Variants in TEK observed in about 807,000 individuals in gnomAD.
TEK encodes angiopoietin-1 receptor.
In TEK, 43 loss-of-function variants were observed where a neutral mutation model predicts 131.8. That is an observed-to-expected ratio of 0.33 (90% CI 0.26 to 0.42). The LOEUF (loss-of-function observed/expected upper bound fraction) is 0.42, where lower values mean the gene tolerates loss of function less well. TEK is among the 10% of genes least tolerant of loss of function. The probability of loss-of-function intolerance (pLI) is 1.00; values close to 1 mark genes in which losing one functional copy is unlikely to be tolerated. For missense variants in TEK, 1,162 were observed against 1,384.4 expected (o/e 0.84, Z 2.55); for synonymous variants, 580 against 491.6 (o/e 1.18, Z -2.38).
intron 20 of TEK, 39 bp downstream of exon 20, chr9:27,218,856 C>CA (rs763788176): frequency 8.8e-6 from 14 of 1,599,696 alleles, no homozygotes; most frequent in Non-Finnish European, 1.2e-5. Context: ...AGACTCTAGG[C>CA]AAAGTGAGTG....
chr9:27,204,985 G>A lies in TEK; in HGVS notation c.2284G>A (p.Val762Met), dbSNP rs1825352435. 6.2e-7 allele frequency: 1 copy of A among 1,613,934 alleles called. No homozygotes were observed. The highest frequency in any genetic ancestry group is 1.3e-5 in the African/African-American group (1 of 74,916). Residue 762 changes from valine (V) to methionine (M), a missense_variant, in exon 14 of 23, where the codon GTG becomes ATG. Physicochemically the swap from Val to Met is conservative, Grantham distance 21 (BLOSUM62 1). Coordinates refer to ENST00000380036, the MANE Select transcript of TEK (RefSeq NM_000459.5). ...LGSAGMTCLT[V>M]LLAFLIILQL... Reference sequence around the variant, plus strand: ...CTCTGCTGGAATGACCTGCCTGACTGTGCTGTTGGCCTTTCTGATCATATT... The same window carrying A: ...CTCTGCTGGAATGACCTGCCTGACTATGCTGTTGGCCTTTCTGATCATATT...
intron 1 of TEK, among the ~76,000 whole-genome samples, chr9:27,119,472 G>A (rs1334546745): frequency 6.6e-6 from 1 of 152,146 alleles, no homozygotes; most frequent in Non-Finnish European, 1.5e-5. Flanking sequence ...TTATCCACGA[G>A]GGCAGGCAAC....
intron 1 of TEK, among the ~76,000 whole-genome samples, chr9:27,141,042 C>G (rs1487845052): frequency 6.6e-6 from 1 of 151,668 alleles, no homozygotes; most frequent in Non-Finnish European, 1.5e-5. Flanking sequence ...GATTTTTGTT[C>G]TAAGTGAATG....
In TEK at chr9:27,220,159, C is replaced by T; in HGVS notation, c.3200+14C>T. 2 of 1,612,884 alleles carry T rather than the reference C, an allele frequency of 1.2e-6. No homozygotes were observed. Among genetic ancestry groups the T allele is most frequent in the Non-Finnish European group, 1.7e-6 (2 of 1,179,536 alleles). On this transcript the variant is annotated intron_variant, in intron 21 of 22. Coordinates refer to ENST00000380036, the MANE Select transcript of TEK (RefSeq NM_000459.5). ...TGATGATGAGGTGTAAGTCAGGCCT[C>T]ATCCTGGGGCTATTTTGTCTTACCT...
chr9:27,148,003 T>C (rs1822988534), intron 1 of TEK, among the ~76,000 whole-genome samples: 1 of 152,222 alleles, frequency 6.6e-6, no homozygotes, highest in Non-Finnish European at 1.5e-5. Context: ...TCCTTTTCTG[T>C]TAAATGGAAA....
At chr9:27,209,664 A>G (rs1364470221) in intron 16 of TEK, among the ~76,000 whole-genome samples, 1 of 152,222 alleles carries the variant, frequency 6.6e-6, no homozygotes, top group African/African-American at 2.4e-5. Context: ...GTAATATGAA[A>G]ACTAAGGATG....
chr9:27,131,398 G>A (rs917955489), intron 1 of TEK, among the ~76,000 whole-genome samples: 11 of 150,448 alleles, frequency 7.3e-5, no homozygotes, highest in Admixed American at 6.0e-4. Context: ...TGGATCAGCT[G>A]AGCCCAGGAA....
intron 1 of TEK, among the ~76,000 whole-genome samples, chr9:27,128,651 A>C (rs1372143064): frequency 3.3e-5 from 5 of 152,026 alleles, no homozygotes; most frequent in Non-Finnish European, 7.4e-5. Flanking sequence ...TTTTTATTTC[A>C]TTGAGCAGTG....
chr9:27,184,401 A>G (rs1824517976), intron 8 of TEK, among the ~76,000 whole-genome samples: 1 of 152,138 alleles, frequency 6.6e-6, no homozygotes, highest in African/African-American at 2.4e-5. Context: ...AAATTTAGAA[A>G]TACTTATTAT....
At chr9:27,187,453 G>T (rs551172651) in intron 9 of TEK, among the ~76,000 whole-genome samples, 16 of 152,256 alleles carry the variant, frequency 1.1e-4, no homozygotes, top group Admixed American at 1.0e-3. Flanking sequence ...CTAGGTATAT[G>T]CTCAAAAGAA....
At chr9:27,170,055 A>C (rs1203493278) in intron 4 of TEK, among the ~76,000 whole-genome samples, 1 of 152,182 alleles carries the variant, frequency 6.6e-6, no homozygotes, top group Non-Finnish European at 1.5e-5. Context: ...ATGGCAAAAG[A>C]GGAAGCAAAC....
In TEK at chr9:27,217,768, C is replaced by A; in HGVS notation, c.3062+10C>A. 1 of 1,577,722 alleles carries A rather than the reference C, an allele frequency of 6.3e-7. No homozygotes were observed. Among genetic ancestry groups the A allele is most frequent in the Non-Finnish European group, 8.6e-7 (1 of 1,168,580 alleles). Reference sequence around the variant, plus strand: ...CAACCAACAGTGATGTGTGAGTAAACTTCTTATTGCCAAGGGATTTTTTTT... The same window carrying A: ...CAACCAACAGTGATGTGTGAGTAAAATTCTTATTGCCAAGGGATTTTTTTT... On this transcript the variant is annotated intron_variant, in intron 19 of 22. Transcript: ENST00000380036.
chr9:27,199,999 G>A (rs1243424785), intron 12 of TEK, among the ~76,000 whole-genome samples: 1 of 151,998 alleles, frequency 6.6e-6, no homozygotes, highest in African/African-American at 2.4e-5. Flanking sequence ...GTGTATTTAG[G>A]TCTTTAAGAT....
chr9:27,109,225 C>T lies in TEK; in HGVS notation c.-366C>T, dbSNP rs1409235817. On this transcript the variant is annotated 5_prime_UTR_variant, in exon 1 of 23. Transcript: ENST00000380036. Reference sequence around the variant, plus strand: ...GGACCCACACTTCCAACAAAAATTCCTCTGCCCCTACAGCAGCAGCAAAAG... The same window carrying T: ...GGACCCACACTTCCAACAAAAATTCTTCTGCCCCTACAGCAGCAGCAAAAG... 1 of 517,182 alleles carries T rather than the reference C, an allele frequency of 1.9e-6. No homozygotes were observed. Among genetic ancestry groups the T allele is most frequent in the African/African-American group, 1.9e-5 (1 of 51,500 alleles). 32.0% of individuals were successfully genotyped at this position (517,182 alleles called of 1,614,324 possible). A position where few individuals can be genotyped will look rare whatever the true frequency, so the allele number is the denominator to read the frequency against.
chr9:27,176,165 C>T (rs1334762302), intron 6 of TEK, among the ~76,000 whole-genome samples: 1 of 152,174 alleles, frequency 6.6e-6, no homozygotes, highest in African/African-American at 2.4e-5. Context: ...GACATGGTCT[C>T]CTTTAATAGT....
chr9:27,161,036 T>C (rs1823526290), intron 2 of TEK, among the ~76,000 whole-genome samples: 1 of 152,234 alleles, frequency 6.6e-6, no homozygotes, highest in Non-Finnish European at 1.5e-5. Context: ...AGTGCCACTG[T>C]GTCCTTGCTG....
intron 22 of TEK, 105 bp downstream of exon 22, chr9:27,228,410 G>T: frequency 2.3e-6 from 2 of 887,434 alleles, no homozygotes. Flanking sequence ...TCTTGGCATG[G>T]CCCTAAGTAT....
intron 10 of TEK, among the ~76,000 whole-genome samples, chr9:27,191,347 A>T (rs375063429): frequency 7.9e-5 from 12 of 152,298 alleles, no homozygotes; most frequent in Admixed American, 5.9e-4. Flanking sequence ...AAACAGTTGA[A>T]TTTATTTTGA....
intron 18 of TEK, among the ~76,000 whole-genome samples, chr9:27,214,346 C>G (rs948765200): frequency 5.9e-5 from 9 of 152,066 alleles, no homozygotes; most frequent in Admixed American, 3.9e-4. Flanking sequence ...GCCCTGCAGC[C>G]TTTCCATGTG....
Sources: gnomAD v4.1 joint callset for allele counts (sites outside exome capture counted in the v4.1 genomes callset) on GRCh38, gnomAD v4.1.1 for gene constraint, MANE v1.5 for transcripts, NCBI Gene and HGNC (gene_info 2026-07-23, HGNC 2026-07-21) for gene names.